The following GPC5 variants were observed in gnomAD, a reference collection of about 807,000 sequenced individuals.
GPC5 encodes the protein glypican-5.
In GPC5, 47 loss-of-function variants were observed where a neutral mutation model predicts 53.9. That is an observed-to-expected ratio of 0.87 (90% confidence interval 0.69 to 1.11). The LOEUF (loss-of-function observed/expected upper bound fraction) is 1.11. Ranked by LOEUF, GPC5 falls within the 50% of genes most tolerant of loss-of-function variation. The pLI, the probability that GPC5 is intolerant of heterozygous loss-of-function variation, is 0.00. For missense variants in GPC5, 748 were observed against 713.1 expected (o/e 1.05, Z -0.56); for synonymous variants, 286 against 263.3 (o/e 1.09, Z -0.84).
At chr13:92,121,849 G>C (rs372912201) in intron 6 of GPC5, among the ~76,000 whole-genome samples, 57 of 152,260 alleles carry the variant, frequency 3.7e-4, no homozygotes, top group African/African-American at 1.3e-3. Context: ...TGAAAAGATT[G>C]CTGAAATGTG....
Position 91,478,556 on chromosome 13 carries a change from G to T in GPC5, c.325+29634G>T, listed in dbSNP as rs144578008. On this transcript the variant is annotated intron_variant, in intron 2 of 7. Transcript: ENST00000377067. Reference sequence around the variant, plus strand: ...TTTTTCACATTTTATCTTGAAATTTGCTTTTAAATATTGTTACTGTAAATG... The same window carrying T: ...TTTTTCACATTTTATCTTGAAATTTTCTTTTAAATATTGTTACTGTAAATG... 4.7e-3 allele frequency among the ~76,000 whole-genome samples: 712 copies of T among 150,994 alleles called. 5 individuals carry two copies. Among genetic ancestry groups the T allele is most frequent in the African/African-American group, 0.016 (676 of 41,278 alleles).
In GPC5 at chr13:91,983,141, C is replaced by T. The variant is rs558809304; in HGVS notation, c.1401+75084C>T. 3.3e-5 allele frequency among the ~76,000 whole-genome samples: 5 copies of T among 151,974 alleles called. No individual in the cohort carries two copies. The East Asian group carries it at 7.8e-4, about 24-fold the overall frequency. ...CGGGCGGATCACGAGGTCAGGAGATCGAGACCATCCTGGCTAACACGGTGA... is the reference window on the plus strand; with the variant it reads ...CGGGCGGATCACGAGGTCAGGAGATTGAGACCATCCTGGCTAACACGGTGA... On this transcript the variant is annotated intron_variant, in intron 6 of 7. Coordinates refer to ENST00000377067, the MANE Select transcript of GPC5 (RefSeq NM_004466.6).
At chr13:92,669,577 A>C (rs34085735) in intron 7 of GPC5, among the ~76,000 whole-genome samples, 33,650 of 152,076 alleles carry the variant, frequency 0.22, 4,386 homozygotes, top group South Asian at 0.36. Flanking sequence ...TGGAGCCATG[A>C]TGGCTACCTC....
intron 6 of GPC5, among the ~76,000 whole-genome samples, chr13:92,023,887 T>C (rs535070423): frequency 6.6e-6 from 1 of 152,244 alleles, no homozygotes; most frequent in African/African-American, 2.4e-5. Context: ...TAGAATCAAG[T>C]CACTTATTGA....
chr13:92,581,812 T>C (rs1400552301), intron 7 of GPC5, among the ~76,000 whole-genome samples: 2 of 152,180 alleles, frequency 1.3e-5, no homozygotes, highest in Non-Finnish European at 2.9e-5. Context: ...TCCCTGATGA[T>C]AGGTGATGCT....
At chr13:91,944,227 C>T (rs1249705845) in intron 6 of GPC5, among the ~76,000 whole-genome samples, 1 of 152,030 alleles carries the variant, frequency 6.6e-6, no homozygotes, top group African/African-American at 2.4e-5. Flanking sequence ...TCCTGAGTAG[C>T]TGGGACTACA....
chr13:91,674,126 G>A (rs79136006), intron 2 of GPC5, among the ~76,000 whole-genome samples: 3,129 of 152,232 alleles, frequency 0.021, 42 homozygotes, highest in Non-Finnish European at 0.032. Flanking sequence ...CAAGTTTCAT[G>A]CATCAAGTAT....
chr13:92,584,462 T>C (rs1436894266), intron 7 of GPC5, among the ~76,000 whole-genome samples: 1 of 152,174 alleles, frequency 6.6e-6, no homozygotes, highest in Non-Finnish European at 1.5e-5. Context: ...AAAAGACATT[T>C]ATAAGCAGCA....
intron 2 of GPC5, among the ~76,000 whole-genome samples, chr13:91,569,649 G>A (rs760744200): frequency 2.6e-5 from 4 of 152,086 alleles, no homozygotes; most frequent in Admixed American, 6.6e-5. Flanking sequence ...TCCAAAATTC[G>A]TATTGTAGCT....
chr13:92,546,052 A>T (rs1378575849), intron 7 of GPC5, among the ~76,000 whole-genome samples: 4 of 152,264 alleles, frequency 2.6e-5, no homozygotes, highest in South Asian at 4.1e-4. Flanking sequence ...CCCACAGCCA[A>T]TATCATACTG....
At chr13:92,304,156 G>A (rs1370799221) in intron 7 of GPC5, among the ~76,000 whole-genome samples, 3 of 151,756 alleles carry the variant, frequency 2.0e-5, no homozygotes, top group Admixed American at 6.6e-5. Flanking sequence ...TCAGGTAATG[G>A]GCTCTCAAAA....
rs1409946940 is a variant in GPC5 at position 92,844,335 on chromosome 13, A to C, written c.1562-21947A>C. Among the ~76,000 whole-genome samples the C allele has an allele frequency of 3.3e-5, 5 of 152,106 alleles. No homozygotes were observed. The East Asian group carries it at 7.7e-4, about 23-fold the overall frequency. On this transcript the variant is annotated intron_variant, in intron 7 of 7. Coordinates refer to ENST00000377067, the MANE Select transcript of GPC5 (RefSeq NM_004466.6). Reference sequence around the variant, plus strand: ...GACCCTCATCTACAACATGTTATTTAATGTTTGAATTAAATTTCACTCACC... The same window carrying C: ...GACCCTCATCTACAACATGTTATTTCATGTTTGAATTAAATTTCACTCACC...
chr13:91,977,065 T>G (rs1449244352), intron 6 of GPC5, among the ~76,000 whole-genome samples: 5 of 150,720 alleles, frequency 3.3e-5, no homozygotes, highest in Non-Finnish European at 7.4e-5. Flanking sequence ...AATAAATAAA[T>G]AAATAAATAA....
At chr13:92,112,879 GT>G (rs2041569490) in intron 6 of GPC5, among the ~76,000 whole-genome samples, 2 of 151,918 alleles carry the variant, frequency 1.3e-5, no homozygotes, top group South Asian at 4.1e-4. Flanking sequence ...AAGGAGAAGG[GT>G]TTTTACATGA....
intron 2 of GPC5, among the ~76,000 whole-genome samples, chr13:91,678,941 A>C (rs971208169): frequency 4.6e-5 from 7 of 152,122 alleles, no homozygotes; most frequent in Admixed American, 4.6e-4. Context: ...ATGTGAATCA[A>C]AGTGTATTAG....
At chr13:91,413,329 A>C (rs3848048) in intron 1 of GPC5, among the ~76,000 whole-genome samples, 3,504 of 152,166 alleles carry the variant, frequency 0.023, 148 homozygotes, top group African/African-American at 0.079. Flanking sequence ...CATCATTGAA[A>C]GGAAAAAGCA....
chr13:91,930,892 T>C (rs2039815701), intron 6 of GPC5, among the ~76,000 whole-genome samples: 1 of 152,090 alleles, frequency 6.6e-6, no homozygotes, highest in Non-Finnish European at 1.5e-5. Context: ...TGTTGACTAA[T>C]AGTCTACATA....
intron 6 of GPC5, among the ~76,000 whole-genome samples, chr13:91,975,265 C>G (rs920970836): frequency 7.2e-5 from 11 of 152,092 alleles, no homozygotes; most frequent in Admixed American, 5.2e-4. Flanking sequence ...CCAAAATTGA[C>G]AAATGGGATC....
intron 6 of GPC5, among the ~76,000 whole-genome samples, chr13:91,966,020 A>G (rs960879547): frequency 2.0e-5 from 3 of 152,156 alleles, no homozygotes; most frequent in Admixed American, 6.6e-5. Context: ...CTTACTAGAA[A>G]CCAGCAATTT....
Sources: gnomAD v4.1 joint callset for allele counts (sites outside exome capture counted in the v4.1 genomes callset) on GRCh38, gnomAD v4.1.1 for gene constraint, MANE v1.5 for transcripts, NCBI Gene and HGNC (gene_info 2026-07-23, HGNC 2026-07-21) for gene names.